MCTP1: variants seen among roughly 807,000 people sequenced by gnomAD.
MCTP1 encodes multiple C2 and transmembrane domain containing 1.
A neutral mutation model predicts 120.6 loss-of-function variants in MCTP1; 69 were observed. That is an observed-to-expected ratio of 0.57 (90% CI 0.47 to 0.70). The LOEUF is 0.70. Ranked by LOEUF, MCTP1 falls within the 30% of genes least tolerant of loss-of-function variation. The probability of loss-of-function intolerance (pLI) is 0.00; values close to 1 mark genes in which losing one functional copy is unlikely to be tolerated. For missense variants in MCTP1, 1,203 were observed against 1,248.8 expected, an observed-to-expected ratio of 0.96 and a Z score of 0.55; for synonymous variants, 529 against 493.1, an observed-to-expected ratio of 1.07 and a Z score of -0.96.
intron 17 of MCTP1, among the ~76,000 whole-genome samples, chr5:94,863,237 T>G (rs1226615222): frequency 6.6e-6 from 1 of 151,844 alleles, no homozygotes; most frequent in Non-Finnish European, 1.5e-5. Flanking sequence ...GGCTTTGTAC[T>G]TGTTTCTCTG....
At chr5:94,945,412 C>G (rs1818685255) in intron 3 of MCTP1, among the ~76,000 whole-genome samples, 1 of 152,174 alleles carries the variant, frequency 6.6e-6, no homozygotes, top group Non-Finnish European at 1.5e-5. Context: ...ACTCAACTGG[C>G]TTCAATTTCT....
chr5:94,956,497 T>C (rs1316792187), intron 2 of MCTP1, among the ~76,000 whole-genome samples: 1 of 151,994 alleles, frequency 6.6e-6, no homozygotes, highest in Non-Finnish European at 1.5e-5. Flanking sequence ...GGTAACCCAA[T>C]GCAAGGAGGC....
rs1415270644 is a variant in MCTP1, at chr5:94,858,410, C to T, written c.2436+9923G>A. Among the ~76,000 whole-genome samples, 3 of 151,698 alleles carry T rather than the reference C, an allele frequency of 2.0e-5. No homozygotes were observed. In the East Asian group the frequency reaches 5.9e-4, roughly 30 times the overall value. On this transcript the variant is annotated intron_variant, in intron 17 of 22. Transcript: ENST00000515393. ...AGGTACACATTTATTACTTAAACTG[C>T]AGGAATAACACTAAGCAGGGTGCAT... is the stretch of plus-strand genomic sequence containing the variant.
intron 2 of MCTP1, among the ~76,000 whole-genome samples, chr5:94,983,267 T>C (rs1178470416): frequency 6.6e-6 from 1 of 152,162 alleles, no homozygotes; most frequent in African/African-American, 2.4e-5. Flanking sequence ...AACTATACCA[T>C]GCACAGATTT....
At chr5:95,184,403 T>C (rs1748967681) in intron 1 of MCTP1, among the ~76,000 whole-genome samples, 1 of 152,178 alleles carries the variant, frequency 6.6e-6, no homozygotes, top group African/African-American at 2.4e-5. Flanking sequence ...TTGACACTAA[T>C]TTTGAAACCA....
At chr5:94,978,628 C>A (rs534323208) in intron 2 of MCTP1, among the ~76,000 whole-genome samples, 10 of 152,190 alleles carry the variant, frequency 6.6e-5, no homozygotes, top group Middle Eastern at 3.4e-3. Flanking sequence ...ATTTCACTTA[C>A]ATCAGATATC....
intron 1 of MCTP1, among the ~76,000 whole-genome samples, chr5:95,020,598 A>C (rs897919399): frequency 6.6e-6 from 1 of 152,032 alleles, no homozygotes; most frequent in African/African-American, 2.4e-5. Context: ...GAAACTATTA[A>C]GCAGTTAAAG....
intron 1 of MCTP1, among the ~76,000 whole-genome samples, chr5:95,132,689 G>A (rs905907256): frequency 1.3e-5 from 2 of 152,160 alleles, no homozygotes; most frequent in Non-Finnish European, 2.9e-5. Context: ...TCACCTGGTA[G>A]CACTATCTCA....
chr5:94,919,899 C>A (rs531905872), intron 7 of MCTP1, among the ~76,000 whole-genome samples: 3 of 152,342 alleles, frequency 2.0e-5, no homozygotes, highest in South Asian at 4.1e-4. Context: ...CCAGCGCAGT[C>A]TGAAGTGTCT....
At position 94,925,932 on chromosome 5, in the gene MCTP1, A is replaced by T. The variant is rs182614860; in HGVS notation, c.1213-1911T>A. ...TCTAAAAATCTAATACACACTAAGA[A>T]AATTTCTCCTCAAAGATAAAAAAAT... On this transcript the variant is annotated intron_variant, in intron 6 of 22. Coordinates refer to ENST00000515393, the MANE Select transcript of MCTP1 (RefSeq NM_024717.7). Among the ~76,000 whole-genome samples, 307 of 152,332 alleles carry T rather than the reference A, an allele frequency of 2.0e-3. 1 individual carries two copies. Among genetic ancestry groups the T allele is most frequent in the Admixed American group, 7.2e-3 (110 of 15,298 alleles).
intron 1 of MCTP1, among the ~76,000 whole-genome samples, chr5:95,044,995 C>T (rs1336851309): frequency 2.0e-5 from 3 of 152,112 alleles, no homozygotes; most frequent in East Asian, 1.9e-4. Flanking sequence ...TAGTGAACTT[C>T]CATACACTGA....
intron 18 of MCTP1, among the ~76,000 whole-genome samples, chr5:94,798,681 T>C (rs1005157766): frequency 1.3e-5 from 2 of 152,154 alleles, no homozygotes; most frequent in Non-Finnish European, 2.9e-5. Flanking sequence ...TGACATTGTA[T>C]CTTAAATCAG....
In MCTP1 at chr5:94,937,859, C is replaced by G. The variant is rs150964303; in HGVS notation, c.1173+2225G>C. ...TCACCACAATCGCTGCTATATCATC[C>G]CAATCTCCAGGAATATTGCAAGTTT... On this transcript the variant is annotated intron_variant, in intron 5 of 22. Coordinates refer to ENST00000515393, the MANE Select transcript of MCTP1 (RefSeq NM_024717.7). 2.1e-4 allele frequency among the ~76,000 whole-genome samples: 32 copies of G among 152,050 alleles called. No homozygotes were observed. The East Asian group carries it at 6.0e-3, about 29-fold the overall frequency.
At chr5:94,843,236 C>A (rs1341412803) in intron 17 of MCTP1, among the ~76,000 whole-genome samples, 1 of 152,000 alleles carries the variant, frequency 6.6e-6, no homozygotes, top group Non-Finnish European at 1.5e-5. Context: ...AAGGCTCAAA[C>A]TCAGAAGGGA....
chr5:95,218,571 C>T (rs1582568196), intron 1 of MCTP1, among the ~76,000 whole-genome samples: 1 of 152,274 alleles, frequency 6.6e-6, no homozygotes, highest in Middle Eastern at 3.4e-3. Flanking sequence ...CCTTTAACAT[C>T]TTTCTATTCT....
At chr5:95,161,950 C>T (rs1348735822) in intron 1 of MCTP1, among the ~76,000 whole-genome samples, 2 of 152,100 alleles carry the variant, frequency 1.3e-5, no homozygotes, top group Non-Finnish European at 2.9e-5. Context: ...ACACTCTGAT[C>T]AAGTGGGGAG....
chr5:95,156,736 T>A (rs1224980857), intron 1 of MCTP1, among the ~76,000 whole-genome samples: 1 of 152,214 alleles, frequency 6.6e-6, no homozygotes, highest in Admixed American at 6.5e-5. Flanking sequence ...ATTGTAAGTG[T>A]TTTTGGTTCC....
intron 1 of MCTP1, among the ~76,000 whole-genome samples, chr5:95,182,221 C>A (rs545654085): frequency 6.6e-6 from 1 of 152,194 alleles, no homozygotes; most frequent in South Asian, 2.1e-4. Context: ...AGAAGTCACG[C>A]TTGCTGAAAA....
At chr5:95,088,369 T>C (rs760816540) in intron 1 of MCTP1, among the ~76,000 whole-genome samples, 31 of 152,310 alleles carry the variant, frequency 2.0e-4, no homozygotes, top group Middle Eastern at 3.4e-3. Flanking sequence ...AAGTTAAGAA[T>C]TGAAGATACG....
Sources: gnomAD v4.1 joint callset for allele counts (sites outside exome capture counted in the v4.1 genomes callset) on GRCh38, gnomAD v4.1.1 for gene constraint, MANE v1.5 for transcripts, NCBI Gene and HGNC (gene_info 2026-07-23, HGNC 2026-07-21) for gene names.